The following GPATCH8 variants were observed in gnomAD, a reference collection of about 807,000 sequenced individuals.
The protein encoded by GPATCH8 is G patch domain-containing protein 8.
Under a neutral mutation model 118.3 loss-of-function variants are expected in GPATCH8, and 18 were observed. The ratio of observed to expected loss-of-function variants is 0.15; its 90% CI spans 0.11 to 0.23. GPATCH8 has a LOEUF of 0.23. Ranked by LOEUF, GPATCH8 falls within the 10% of genes least tolerant of loss-of-function variation. GPATCH8 has a pLI of 1.00. For synonymous variants in GPATCH8, 659 were observed against 684.7 expected (o/e 0.96, Z 0.59); for missense variants, 1,631 against 1,873.8 (o/e 0.87, Z 2.39).
chr17:44,404,331 C>T (rs1449843557), intron 7 of GPATCH8, among the ~76,000 whole-genome samples: 4 of 151,660 alleles, frequency 2.6e-5, no homozygotes, highest in African/African-American at 9.7e-5. Context: ...TTTTTAGAGA[C>T]AGGGTCTTCC....
intron 4 of GPATCH8, 91 bp downstream of exon 4, chr17:44,436,387 A>C: frequency 1.3e-6 from 1 of 768,038 alleles, no homozygotes; most frequent in South Asian, 1.4e-5. Context: ...ATTTCATCTG[A>C]TAAATGTATT....
chr17:44,424,039 G>T (rs868017053), intron 6 of GPATCH8, among the ~76,000 whole-genome samples: 1 of 152,080 alleles, frequency 6.6e-6, no homozygotes, highest in Non-Finnish European at 1.5e-5. Context: ...TGGAAACAAA[G>T]CTCCCAGTGA....
rs144469549 is a variant in GPATCH8 at position 44,397,748 on chromosome 17, G to A, written c.4329C>T (p.Pro1443=). 296 of 1,590,740 alleles carry A rather than the reference G, an allele frequency of 1.9e-4. 1 individual carries two copies. The African/African-American group carries it at 2.9e-3, about 16-fold the overall frequency. Reference sequence around the variant, plus strand: ...AGGGCCCAGGATGGATGGCTGAGGCGGGAATGATGTGGATGGGATGGCTAG... The same window carrying A: ...AGGGCCCAGGATGGATGGCTGAGGCAGGAATGATGTGGATGGGATGGCTAG... ...FLASHPIHII[P]ASAIHPGPFT... is the part of the protein sequence containing the mutation. The change falls in exon 8 of 8, where the codon CCC becomes CCT. Residue 1443 remains proline (P), a synonymous_variant. Coordinates refer to ENST00000591680, the MANE Select transcript of GPATCH8 (RefSeq NM_001002909.4).
At chr17:44,440,799 A>G (rs1391074355) in intron 3 of GPATCH8, among the ~76,000 whole-genome samples, 2 of 152,118 alleles carry the variant, frequency 1.3e-5, no homozygotes, top group Non-Finnish European at 2.9e-5. Context: ...AATCTACAAA[A>G]CTGTCCTAAA....
intron 3 of GPATCH8, among the ~76,000 whole-genome samples, chr17:44,437,963 A>ACC (rs1189343887): frequency 6.9e-6 from 1 of 145,866 alleles, no homozygotes; most frequent in Non-Finnish European, 1.5e-5. Flanking sequence ...AAAAAAACAA[A>ACC]ACAACAACTT....
At chr17:44,455,513 T>A (rs1006318322) in intron 3 of GPATCH8, among the ~76,000 whole-genome samples, 3 of 150,552 alleles carry the variant, frequency 2.0e-5, no homozygotes, top group Non-Finnish European at 1.5e-5. Context: ...AAAAAAAAAA[T>A]TAAAAAAAAT....
chr17:44,413,623 G>A (rs776034019), intron 6 of GPATCH8, among the ~76,000 whole-genome samples: 5 of 152,054 alleles, frequency 3.3e-5, no homozygotes, highest in Non-Finnish European at 5.9e-5. Context: ...CCATAGATGC[G>A]TGCCACCACA....
At chr17:44,495,336 A>T (rs1214849281) in intron 1 of GPATCH8, among the ~76,000 whole-genome samples, 1 of 152,188 alleles carries the variant, frequency 6.6e-6, no homozygotes, top group African/African-American at 2.4e-5. Flanking sequence ...TCTGTCTGAA[A>T]AAAATAAAAT....
At position 44,398,446 on chromosome 17, in the gene GPATCH8, T is replaced by G; in HGVS notation, c.3631A>C (p.Lys1211Gln). 1 of 1,613,344 alleles carries G rather than the reference T, an allele frequency of 6.2e-7. No individual in the cohort carries two copies. The highest frequency in any genetic ancestry group is 8.5e-7 in the Non-Finnish European group (1 of 1,179,552). Residue 1211 changes from lysine (K) to glutamine (Q), a missense_variant, in exon 8 of 8, where the codon AAG (lysine) becomes CAG (glutamine). Lys to Gln is a moderately conservative substitution (Grantham distance 53). This residue lies in a region of GPATCH8 where 922 missense variants were observed against 879.7 expected (regional missense o/e 1.05). Transcript: ENST00000591680. ...PLLDPPPEES[K>Q]SGEATADHPV... ...TGATCAGCAGTAGCTTCTCCAGACT[T>G]TGACTCTTCTGGGGGTGGGTCTAAT...
chr17:44,458,576 C>T (rs2051427888), intron 3 of GPATCH8, among the ~76,000 whole-genome samples: 1 of 152,108 alleles, frequency 6.6e-6, no homozygotes, highest in Admixed American at 6.5e-5. Context: ...GGCTGGAGTA[C>T]AGTGGCACAA....
chr17:44,420,931 C>T (rs186675644), intron 6 of GPATCH8, among the ~76,000 whole-genome samples: 161 of 152,154 alleles, frequency 1.1e-3, no homozygotes, highest in Admixed American at 4.2e-3. Context: ...GCCATCTTGG[C>T]TCACTGCAAC....
chr17:44,400,733 C>CAA lies in GPATCH8; in HGVS notation c.1343_1344insTT (p.Ala449TrpfsTer23). On this transcript the variant is annotated frameshift_variant, in exon 8 of 8. Coordinates refer to ENST00000591680, the MANE Select transcript of GPATCH8 (RefSeq NM_001002909.4). LOFTEE classifies it high-confidence loss of function. ...TCTTTTCTGCTCCTTGGCTTGCTGC[C>CAA]GCCTTGATGCAGCTTTTAGGCTTGG... 6.2e-7 allele frequency: 1 copy of CAA among 1,612,520 alleles called. No individual in the cohort carries two copies. Among genetic ancestry groups the CAA allele is most frequent in the Non-Finnish European group, 8.5e-7 (1 of 1,179,108 alleles).
intron 6 of GPATCH8, among the ~76,000 whole-genome samples, chr17:44,420,536 C>T (rs2049860304): frequency 1.3e-5 from 2 of 152,006 alleles, no homozygotes; most frequent in Middle Eastern, 3.2e-3. Flanking sequence ...GTTGGGACAA[C>T]CAAAAATGTA....
At chr17:44,438,470 T>C (rs2055591407) in intron 3 of GPATCH8, among the ~76,000 whole-genome samples, 2 of 152,060 alleles carry the variant, frequency 1.3e-5, no homozygotes, top group South Asian at 2.1e-4. Flanking sequence ...ACTGATTTTA[T>C]TGGCAGTTCT....
intron 3 of GPATCH8, among the ~76,000 whole-genome samples, chr17:44,447,981 T>C (rs1456167059): frequency 3.3e-5 from 5 of 152,176 alleles, no homozygotes; most frequent in Non-Finnish European, 7.3e-5. Context: ...ACTCACTCTG[T>C]TGCCCCAGCT....
At chr17:44,475,618 C>T (rs1474841528) in intron 1 of GPATCH8, among the ~76,000 whole-genome samples, 26 of 151,876 alleles carry the variant, frequency 1.7e-4, no homozygotes, top group Middle Eastern at 3.4e-3. Context: ...GGCGTGAACC[C>T]GGGAGGCGGA....
Position 44,405,956 on chromosome 17 carries a change from G to C in GPATCH8, c.588C>G (p.Leu196=), listed in dbSNP as rs2049205022. 1 of 1,612,616 alleles carries C rather than the reference G, an allele frequency of 6.2e-7. No homozygotes were observed. The highest frequency in any genetic ancestry group is 1.1e-5 in the South Asian group (1 of 91,054). ...GTTTTCTTTGCTCTGCCAACTCATG[G>C]AGCCGCCGAAGGGCTTTTTCCTGTT... ...EKKQEKALRR[L]HELAEQRKQA... Residue 196 remains leucine, a synonymous_variant, in exon 7 of 8, where the codon CTC becomes CTG. Transcript: ENST00000591680.
chr17:44,399,332 GTCTGAGTCA>G lies in GPATCH8; in HGVS notation c.2736_2744del (p.Asp913_Asp915del). Reference sequence around the variant, plus strand: ...TTGATCGGTGTTTGGAGCTGGCATAGTCTGAGTCATCTGAGTCATGGGAGCGCTTGGAGT... The same window carrying G: ...TTGATCGGTGTTTGGAGCTGGCATAGTCTGAGTCATGGGAGCGCTTGGAGT... On this transcript the variant is annotated inframe_deletion, in exon 8 of 8. Coordinates refer to ENST00000591680, the MANE Select transcript of GPATCH8 (RefSeq NM_001002909.4). 6.2e-7 allele frequency: 1 copy of G among 1,614,018 alleles called. No homozygotes were observed.
At chr17:44,464,925 ACTTTAAGATTTTTT>A in intron 2 of GPATCH8, 1 of 183,756 alleles carries the variant, frequency 5.4e-6, no homozygotes, top group Non-Finnish European at 1.1e-5. Context: ...AAACAGCACC[ACTTTAAGATTTTTT>A]TTTTTTTAAA....
Sources: gnomAD v4.1 joint callset for allele counts (sites outside exome capture counted in the v4.1 genomes callset) on GRCh38, gnomAD v4.1.1 for gene constraint, gnomAD v4.1.1 regional missense constraint, MANE v1.5 for transcripts, NCBI Gene and HGNC (gene_info 2026-07-23, HGNC 2026-07-21) for gene names.